KLHL6: variants seen among roughly 807,000 people sequenced by gnomAD.
The protein encoded by KLHL6 is kelch-like protein 6.
Under a neutral mutation model 58.6 loss-of-function variants are expected in KLHL6, and 41 were observed. The observed-to-expected ratio is 0.70, with a 90% CI of 0.55 to 0.91. KLHL6 has a LOEUF of 0.91. KLHL6 is among the 40% of genes least tolerant of loss of function. The probability of loss-of-function intolerance (pLI) is 0.00; values close to 1 mark genes in which losing one functional copy is unlikely to be tolerated. For missense variants in KLHL6, 714 were observed against 805.6 expected (o/e 0.89, Z 1.38); for synonymous variants, 338 against 322.7 (o/e 1.05, Z -0.51).
chr3:183,487,847 GCA>G lies in KLHL6; in HGVS notation c.*4078_*4079del, dbSNP rs1717443470. On this transcript the variant is annotated 3_prime_UTR_variant, in exon 7 of 7. Transcript: ENST00000341319. The stretch of plus-strand genomic sequence containing the variant: ...AGGTATTAAGGGAAAAAATGATTTT[GCA>G]ACCCCAAGTTGGGACTTAACATAAG... 1.3e-5 allele frequency: 2 copies of G among 152,142 alleles called. No individual in the cohort carries two copies. Among genetic ancestry groups the G allele is most frequent in the Non-Finnish European group, 2.9e-5 (2 of 68,024 alleles). The allele number at this position is 152,142 out of a possible 1,614,324, so 9.4% of individuals were successfully genotyped here. A position where few individuals can be genotyped will look rare whatever the true frequency, so the allele number is the denominator to read the frequency against.
chr3:183,535,048 G>A (rs1045922366), intron 1 of KLHL6, among the ~76,000 whole-genome samples: 2 of 151,292 alleles, frequency 1.3e-5, no homozygotes, highest in Admixed American at 6.6e-5. Context: ...GGATTCAAGC[G>A]ATTCTCCTGC....
chr3:183,516,282 C>A (rs1387414722), intron 2 of KLHL6, among the ~76,000 whole-genome samples: 1 of 152,210 alleles, frequency 6.6e-6, no homozygotes, highest in Non-Finnish European at 1.5e-5. Flanking sequence ...GCAGGGCAAT[C>A]ATGGGAACCA....
chr3:183,509,658 T>A (rs1462190106), intron 2 of KLHL6, among the ~76,000 whole-genome samples: 1 of 152,116 alleles, frequency 6.6e-6, no homozygotes, highest in Non-Finnish European at 1.5e-5. Flanking sequence ...GCTGGTCCCA[T>A]GACAGAAGGG....
Position 183,508,145 on chromosome 3 carries a change from C to T in KLHL6, c.823G>A (p.Val275Met). The T allele has an allele frequency of 6.2e-7, 1 of 1,614,198 alleles. No homozygotes were observed. The highest frequency in any genetic ancestry group is 1.1e-5 in the South Asian group (1 of 91,090). ...TGCCTGATGAGAGGATCTGCTTCCA[C>T]CGTCTCCACAAAGTACCACGGGTCC... ...LLDPWYFVET[V>M]EADPLIRQCP... Residue 275 changes from valine (V) to methionine (M), a missense_variant, in exon 3 of 7, where the codon GTG (valine) becomes ATG (methionine). Around this residue, in one of 2 missense-constraint regions of KLHL6, gnomAD observed 510 missense variants for 629.7 expected, o/e 0.81. Transcript: ENST00000341319.
At position 183,488,031 on chromosome 3, in the gene KLHL6, C is replaced by G. The variant is rs1717447955; in HGVS notation, c.*3896G>C. 1 of 152,190 alleles carries G rather than the reference C, an allele frequency of 6.6e-6. No individual in the cohort carries two copies. Among genetic ancestry groups the G allele is most frequent in the South Asian group, 2.1e-4 (1 of 4,834 alleles). The allele number at this position is 152,190 out of a possible 1,614,324, so 9.4% of individuals were successfully genotyped here. The stretch of plus-strand genomic sequence containing the variant: ...CTATAAGAACGTGATATTTGTATTT[C>G]CCTGAGAGCGTAGTTTGCTTTGAGT... On this transcript the variant is annotated 3_prime_UTR_variant, in exon 7 of 7. Coordinates refer to ENST00000341319, the MANE Select transcript of KLHL6 (RefSeq NM_130446.4).
rs1279890650 is a variant in KLHL6, at chr3:183,488,677, C to A, written c.*3250G>T. On this transcript the variant is annotated 3_prime_UTR_variant, in exon 7 of 7. Transcript: ENST00000341319. ...TGATGGTGTGGGTTATAACAGTTAC[C>A]TTCCTGCAAATGTGTTCGTCTTTAT... 6.6e-6 allele frequency: 1 copy of A among 152,204 alleles called. No individual in the cohort carries two copies. The highest frequency in any genetic ancestry group is 6.5e-5 in the Admixed American group (1 of 15,282). 9.4% of individuals were successfully genotyped at this position (152,204 alleles called of 1,614,324 possible).
chr3:183,528,556 C>T (rs1328849442), intron 1 of KLHL6, among the ~76,000 whole-genome samples: 4 of 152,200 alleles, frequency 2.6e-5, no homozygotes, highest in African/African-American at 4.8e-5. Context: ...GACTCTGTCT[C>T]GCCTCTGGAT....
chr3:183,554,909 A>C lies in KLHL6; in HGVS notation c.293+452T>G, dbSNP rs1002870363. ...GCCGGGCGCAGCGTCTCACACCTGT[A>C]ATGCCAGCACTTTGGGAGGCGGAGG... On this transcript the variant is annotated intron_variant, in intron 1 of 6. Coordinates refer to ENST00000341319, the MANE Select transcript of KLHL6 (RefSeq NM_130446.4). Among the ~76,000 whole-genome samples, 12 of 152,340 alleles carry C rather than the reference A, an allele frequency of 7.9e-5. No homozygotes were observed. In the East Asian group the frequency reaches 1.2e-3, roughly 15 times the overall value.
Position 183,494,067 on chromosome 3 carries a change from C to T in KLHL6, c.1350+12G>A, listed in dbSNP as rs760366673. 57 of 1,610,218 alleles carry T rather than the reference C, an allele frequency of 3.5e-5. No homozygotes were observed. The highest frequency in any genetic ancestry group is 1.6e-4 in the Middle Eastern group (1 of 6,078). On this transcript the variant is annotated intron_variant, in intron 5 of 6. Coordinates refer to ENST00000341319, the MANE Select transcript of KLHL6 (RefSeq NM_130446.4). The stretch of plus-strand genomic sequence containing the variant: ...AATACAGGCAGTTACTGGTAGAAAT[C>T]GTGTCCTATACCTCTGACCAGCAGT...
intron 4 of KLHL6, among the ~76,000 whole-genome samples, chr3:183,496,622 C>G (rs1318572492): frequency 6.6e-6 from 1 of 152,142 alleles, no homozygotes; most frequent in Non-Finnish European, 1.5e-5. Flanking sequence ...AAAAGAATAA[C>G]AGTAGTGATA....
chr3:183,544,771 C>CAT (rs901669962), intron 1 of KLHL6: 3 of 154,000 alleles, frequency 1.9e-5, no homozygotes, highest in Non-Finnish European at 2.9e-5. Flanking sequence ...CACACACACA[C>CAT]ACACACACAC....
chr3:183,498,757 G>A (rs1255505608), intron 4 of KLHL6, among the ~76,000 whole-genome samples: 1 of 152,190 alleles, frequency 6.6e-6, no homozygotes, highest in Admixed American at 6.5e-5. Flanking sequence ...CTATAGTGTT[G>A]CCCCTCATGG....
At position 183,527,953 on chromosome 3, in the gene KLHL6, C is replaced by A; in HGVS notation, c.351G>T (p.Gly117=). ...EKYEKRIIIK[G]VDAETMHTLL... is the part of the protein sequence containing the mutation. Reference sequence around the variant, plus strand: ...GAGTGTGCATGGTCTCAGCATCAACCCCTTTAATAATGATCCTTTTCTCAT... The same window carrying A: ...GAGTGTGCATGGTCTCAGCATCAACACCTTTAATAATGATCCTTTTCTCAT... Residue 117 remains glycine (G), a synonymous_variant, in exon 2 of 7, where the codon GGG becomes GGT. Coordinates refer to ENST00000341319, the MANE Select transcript of KLHL6 (RefSeq NM_130446.4). 6.2e-7 allele frequency: 1 copy of A among 1,613,982 alleles called. No homozygotes were observed. Among genetic ancestry groups the A allele is most frequent in the South Asian group, 1.1e-5 (1 of 91,064 alleles).
At chr3:183,539,154 G>C (rs1712467190) in intron 1 of KLHL6, among the ~76,000 whole-genome samples, 2 of 152,152 alleles carry the variant, frequency 1.3e-5, no homozygotes, top group African/African-American at 4.8e-5. Context: ...TCCTGAGAAG[G>C]AGACTGAATG....
intron 1 of KLHL6, among the ~76,000 whole-genome samples, chr3:183,538,113 G>A (rs1712424955): frequency 6.6e-6 from 1 of 152,048 alleles, no homozygotes; most frequent in Admixed American, 6.6e-5. Flanking sequence ...CGCCACTAGG[G>A]AACTCCTATC....
Position 183,487,806 on chromosome 3 carries a change from A to T in KLHL6, c.*4121T>A, listed in dbSNP as rs954284290. On this transcript the variant is annotated 3_prime_UTR_variant, in exon 7 of 7. Transcript: ENST00000341319. ...AAAGGTTAACTTGTCAAATTATGAG[A>T]TCTAATACAACACCCAGGTATTAAG... is the stretch of plus-strand genomic sequence containing the variant. The T allele has an allele frequency of 6.6e-6, 1 of 152,228 alleles. No individual in the cohort carries two copies. The highest frequency in any genetic ancestry group is 2.4e-5 in the African/African-American group (1 of 41,456). The allele number at this position is 152,228 out of a possible 1,614,324, so 9.4% of individuals were successfully genotyped here. A position where few individuals can be genotyped will look rare whatever the true frequency, so the allele number is the denominator to read the frequency against.
intron 1 of KLHL6, among the ~76,000 whole-genome samples, chr3:183,551,488 G>C (rs1712914726): frequency 1.3e-5 from 2 of 152,082 alleles, no homozygotes; most frequent in African/African-American, 4.8e-5. Flanking sequence ...AAAGACAAAA[G>C]GTTTACAAGA....
At chr3:183,507,235 G>A (rs1249831788) in intron 3 of KLHL6, among the ~76,000 whole-genome samples, 2 of 152,050 alleles carry the variant, frequency 1.3e-5, no homozygotes, top group East Asian at 1.9e-4. Context: ...TAAATTGGAG[G>A]GAGGCCAGAC....
chr3:183,518,104 T>A (rs78019099), intron 2 of KLHL6, among the ~76,000 whole-genome samples: 2,212 of 152,302 alleles, frequency 0.015, 27 homozygotes, highest in South Asian at 0.048. Context: ...TGCCCTGGGC[T>A]CTACTTGGTT....
Sources: allele counts gnomAD v4.1 joint callset (sites outside exome capture counted in the v4.1 genomes callset), GRCh38; gene constraint gnomAD v4.1.1; regional missense constraint gnomAD v4.1.1; transcripts MANE v1.5; gene names NCBI Gene and HGNC (gene_info 2026-07-23, HGNC 2026-07-21).